The following GPR149 variants were observed in gnomAD, a reference collection of about 807,000 sequenced individuals.
The protein encoded by GPR149 is G protein-coupled receptor 149, also known as probable G protein-coupled receptor 149.
A neutral mutation model predicts 50.2 loss-of-function variants in GPR149; 50 were observed. The observed-to-expected ratio is 1.00, with a 90% CI of 0.79 to 1.26. The LOEUF is 1.26. GPR149 is among the 50% of genes most tolerant of loss of function. GPR149 has a pLI of 0.00. For synonymous variants in GPR149, 405 were observed against 358.2 expected (o/e 1.13, Z -1.48); for missense variants, 983 against 895.4 (o/e 1.10, Z -1.25).
At position 154,421,492 on chromosome 3, in the gene GPR149, G is replaced by A; in HGVS notation, c.1175-5C>T. The A allele has an allele frequency of 6.7e-7, 1 of 1,500,638 alleles. No homozygotes were observed. The highest frequency in any genetic ancestry group is 9.0e-7 in the Non-Finnish European group (1 of 1,115,524). The allele number at this position is 1,500,638 out of a possible 1,614,324, so 93.0% of individuals were successfully genotyped here. ...ATTCAAAGCCTTTTCTCTTGACTGAGTAAAAATAAAAACAACAGTTTATGG... is the reference window on the plus strand; with the variant it reads ...ATTCAAAGCCTTTTCTCTTGACTGAATAAAAATAAAAACAACAGTTTATGG... On this transcript the variant is annotated splice_region_variant and splice_polypyrimidine_tract_variant and intron_variant, in intron 2 of 3. Transcript: ENST00000389740.
At chr3:154,399,292 T>A (rs1715365470) in intron 3 of GPR149, among the ~76,000 whole-genome samples, 2 of 152,238 alleles carry the variant, frequency 1.3e-5, no homozygotes, top group Admixed American at 1.3e-4. Context: ...CAAAGATTCA[T>A]GTTACAATAA....
intron 2 of GPR149, 69 bp from the exon 3 acceptor site, chr3:154,421,556 C>T (rs1297731206): frequency 1.4e-6 from 1 of 718,220 alleles, no homozygotes; most frequent in African/African-American, 1.8e-5. Flanking sequence ...ATATATATAG[C>T]AAATAAAAAT....
chr3:154,411,246 G>A (rs1711823853), intron 3 of GPR149, among the ~76,000 whole-genome samples: 2 of 152,070 alleles, frequency 1.3e-5, no homozygotes, highest in Admixed American at 1.3e-4. Context: ...AATTCTCAAA[G>A]AACACAAATA....
intron 3 of GPR149, among the ~76,000 whole-genome samples, chr3:154,415,626 A>C (rs1711964437): frequency 6.6e-6 from 1 of 151,918 alleles, no homozygotes; most frequent in African/African-American, 2.4e-5. Context: ...TTTGGTTTGT[A>C]TGTTTTTGTC....
At chr3:154,379,673 T>C (rs1714871685) in intron 3 of GPR149, among the ~76,000 whole-genome samples, 1 of 152,190 alleles carries the variant, frequency 6.6e-6, no homozygotes. Context: ...GATATCCAAG[T>C]GTCCCAGCAC....
chr3:154,348,518 T>C (rs996034923), intron 3 of GPR149, among the ~76,000 whole-genome samples: 1 of 152,096 alleles, frequency 6.6e-6, no homozygotes, highest in East Asian at 1.9e-4. Flanking sequence ...GGAAAATTAC[T>C]ATATAATAAT....
chr3:154,394,472 T>G (rs1485505705), intron 3 of GPR149, among the ~76,000 whole-genome samples: 1 of 152,070 alleles, frequency 6.6e-6, no homozygotes, highest in African/African-American at 2.4e-5. Context: ...CTTTATGATG[T>G]TACTATTGGC....
chr3:154,427,242 G>A (rs1712328181), intron 2 of GPR149, among the ~76,000 whole-genome samples: 1 of 151,870 alleles, frequency 6.6e-6, no homozygotes, highest in South Asian at 2.1e-4. Context: ...ATGGTGTGCT[G>A]AATGAATCCT....
At position 154,400,724 on chromosome 3, in the gene GPR149, ACAGAATTAAGTTATACG is replaced by A. The variant is rs1430109129; in HGVS notation, c.1623+20298_1623+20314del. 2.6e-5 allele frequency among the ~76,000 whole-genome samples: 4 copies of A among 152,350 alleles called. No homozygotes were observed. In the East Asian group the frequency reaches 7.7e-4, roughly 29 times the overall value. On this transcript the variant is annotated intron_variant, in intron 3 of 3. Transcript: ENST00000389740. ...GTTGTAAAGCCACCCTCCTAAGGTTACAGAATTAAGTTATACGCAGTTAATAAGAGTCATAATCTTGA... is the reference window on the plus strand; with the variant it reads ...GTTGTAAAGCCACCCTCCTAAGGTTACAGTTAATAAGAGTCATAATCTTGA...
At chr3:154,398,877 A>G (rs2108416800) in intron 3 of GPR149, among the ~76,000 whole-genome samples, 2 of 152,258 alleles carry the variant, frequency 1.3e-5, no homozygotes, top group South Asian at 4.1e-4. Context: ...AATTTTCACC[A>G]TTTGCTCAAA....
chr3:154,406,842 G>T (rs1202233229), intron 3 of GPR149, among the ~76,000 whole-genome samples: 1 of 152,160 alleles, frequency 6.6e-6, no homozygotes, highest in Non-Finnish European at 1.5e-5. Flanking sequence ...TTTTGTATTA[G>T]CCCGTTCTCA....
chr3:154,390,622 A>AAATAGAGAT (rs1298694272), intron 3 of GPR149, among the ~76,000 whole-genome samples: 1 of 152,128 alleles, frequency 6.6e-6, no homozygotes, highest in African/African-American at 2.4e-5. Flanking sequence ...GAAGAAGGAG[A>AAATAGAGAT]AATAGAGATA....
At chr3:154,421,860 A>G (rs1041546540) in intron 2 of GPR149, among the ~76,000 whole-genome samples, 2 of 151,770 alleles carry the variant, frequency 1.3e-5, no homozygotes, top group African/African-American at 4.8e-5. Flanking sequence ...TTGGGATAAG[A>G]GATATTATTT....
intron 3 of GPR149, among the ~76,000 whole-genome samples, chr3:154,420,761 T>C (rs1025666151): frequency 1.3e-5 from 2 of 151,998 alleles, no homozygotes; most frequent in African/African-American, 2.4e-5. Context: ...TCTGAATTTA[T>C]GCAGGTTACT....
intron 3 of GPR149, among the ~76,000 whole-genome samples, chr3:154,363,141 C>T (rs1445736208): frequency 1.3e-5 from 2 of 152,154 alleles, no homozygotes; most frequent in African/African-American, 4.8e-5. Flanking sequence ...AGGAACCAAT[C>T]ACTGAAGCCA....
intron 2 of GPR149, among the ~76,000 whole-genome samples, chr3:154,425,618 T>C (rs1464976557): frequency 1.3e-5 from 2 of 152,164 alleles, no homozygotes; most frequent in Admixed American, 6.5e-5. Flanking sequence ...TCACAATGTT[T>C]TATTTGTGAA....
At chr3:154,387,950 T>A (rs1715081633) in intron 3 of GPR149, among the ~76,000 whole-genome samples, 1 of 152,180 alleles carries the variant, frequency 6.6e-6, no homozygotes, top group Non-Finnish European at 1.5e-5. Flanking sequence ...GAAAAACAAG[T>A]CTAAGCATAG....
Position 154,386,081 on chromosome 3 carries a change from A to T in GPR149, c.1623+34958T>A, listed in dbSNP as rs183624755. 3.3e-5 allele frequency among the ~76,000 whole-genome samples: 5 copies of T among 152,354 alleles called. No homozygotes were observed. In the East Asian group the frequency reaches 9.6e-4, roughly 29 times the overall value. Reference sequence around the variant, plus strand: ...TAGTTGAATGAATACATTATTAAATACATATTTAATGAATAAAAATATCTA... The same window carrying T: ...TAGTTGAATGAATACATTATTAAATTCATATTTAATGAATAAAAATATCTA... On this transcript the variant is annotated intron_variant, in intron 3 of 3. Coordinates refer to ENST00000389740, the MANE Select transcript of GPR149 (RefSeq NM_001038705.3).
intron 3 of GPR149, among the ~76,000 whole-genome samples, chr3:154,343,777 G>C: frequency 6.6e-6 from 1 of 152,110 alleles, no homozygotes; most frequent in Non-Finnish European, 1.5e-5. Flanking sequence ...AGAAATTTGA[G>C]ACAAGCCTGA....
Sources: allele counts gnomAD v4.1 joint callset (sites outside exome capture counted in the v4.1 genomes callset), GRCh38; gene constraint gnomAD v4.1.1; transcripts MANE v1.5; gene names NCBI Gene and HGNC (gene_info 2026-07-23, HGNC 2026-07-21).